The following ADAMTS20 variants were observed in gnomAD, a reference collection of about 807,000 sequenced individuals.
The protein encoded by ADAMTS20 is A disintegrin and metalloproteinase with thrombospondin motifs 20.
In ADAMTS20, 225 loss-of-function variants were observed where a neutral mutation model predicts 260.1. The ratio of observed to expected loss-of-function variants is 0.87; its 90% CI spans 0.78 to 0.97. ADAMTS20 has a LOEUF of 0.97. ADAMTS20 is among the 50% of genes least tolerant of loss of function. The pLI is 0.00. For missense variants in ADAMTS20, 2,400 were observed against 2,337.7 expected (o/e 1.03, Z -0.55); for synonymous variants, 802 against 769.5 (o/e 1.04, Z -0.70).
At chr12:43,453,263 C>T (rs1941902766) in intron 12 of ADAMTS20, among the ~76,000 whole-genome samples, 1 of 152,172 alleles carries the variant, frequency 6.6e-6, no homozygotes, top group African/African-American at 2.4e-5. Context: ...CAGAGTAAGT[C>T]ACATTTCTGC....
At chr12:43,362,082 G>T (rs1323116862) in intron 37 of ADAMTS20, among the ~76,000 whole-genome samples, 1 of 152,124 alleles carries the variant, frequency 6.6e-6, no homozygotes. Flanking sequence ...ATGACCAGAA[G>T]GCACAGCTTA....
intron 9 of ADAMTS20, among the ~76,000 whole-genome samples, chr12:43,465,261 C>G (rs1942134089): frequency 6.6e-6 from 1 of 152,060 alleles, no homozygotes; most frequent in Non-Finnish European, 1.5e-5. Flanking sequence ...GTCAAGATCA[C>G]TGGCTTTGGG....
rs115903323 is a variant in ADAMTS20 at position 43,354,616 on chromosome 12, G to T, written c.5644-318C>A. Among the ~76,000 whole-genome samples the T allele has an allele frequency of 4.5e-3, 692 of 152,160 alleles. 6 individuals carry two copies. The highest frequency in any genetic ancestry group is 0.016 in the African/African-American group (663 of 41,506). Reference sequence around the variant, plus strand: ...ATCCACATATTTTTCATCTAGGTATGTATTTGCTTCAGTGAGTTTATTAAA... The same window carrying T: ...ATCCACATATTTTTCATCTAGGTATTTATTTGCTTCAGTGAGTTTATTAAA... On this transcript the variant is annotated intron_variant, in intron 38 of 38. Transcript: ENST00000389420.
At chr12:43,403,752 A>G (rs1940858912) in intron 28 of ADAMTS20, among the ~76,000 whole-genome samples, 1 of 152,162 alleles carries the variant, frequency 6.6e-6, no homozygotes, top group South Asian at 2.1e-4. Flanking sequence ...AGAATATCAC[A>G]TTGATTAGAT....
intron 18 of ADAMTS20, among the ~76,000 whole-genome samples, chr12:43,436,539 G>T (rs777619386): frequency 6.6e-6 from 1 of 151,664 alleles, no homozygotes; most frequent in Non-Finnish European, 1.5e-5. Flanking sequence ...TATATTTTAC[G>T]TTCTTTTTTC....
At chr12:43,444,003 C>T in intron 15 of ADAMTS20, 120 bp from the exon 16 acceptor site, 2 of 689,896 alleles carry the variant, frequency 2.9e-6, no homozygotes, top group Non-Finnish European at 5.0e-6. Flanking sequence ...TGTGTCTTTA[C>T]AAAATTACAC....
At chr12:43,456,593 C>T (rs1941967911) in intron 11 of ADAMTS20, among the ~76,000 whole-genome samples, 1 of 152,152 alleles carries the variant, frequency 6.6e-6, no homozygotes, top group Non-Finnish European at 1.5e-5. Flanking sequence ...ATTTAAGTTT[C>T]TCAGCAAGGC....
In ADAMTS20 at chr12:43,502,261, C is replaced by G; in HGVS notation, c.758G>C (p.Arg253Pro). 6.2e-7 allele frequency: 1 copy of G among 1,612,116 alleles called. No homozygotes were observed. ...KDERRHSRKK[R>P]LISYPRYIEI... is the part of the protein sequence containing the mutation. The stretch of plus-strand genomic sequence containing the variant: ...AATGTATCTTGGATATGATATAAGA[C>G]GTTTTTTCCTGGAATGTCTTCTTTC... Residue 253 changes from arginine to proline, a missense_variant, in exon 4 of 39, where the codon CGT (arginine) becomes CCT (proline). Coordinates refer to ENST00000389420, the MANE Select transcript of ADAMTS20 (RefSeq NM_025003.5).
At chr12:43,547,256 A>G (rs1190728608) in intron 2 of ADAMTS20, among the ~76,000 whole-genome samples, 2 of 152,350 alleles carry the variant, frequency 1.3e-5, no homozygotes, top group East Asian at 3.9e-4. Context: ...CGCTGCCACC[A>G]GCGAAGGGAA....
At chr12:43,547,849 A>G (rs1305480257) in intron 2 of ADAMTS20, among the ~76,000 whole-genome samples, 1 of 152,218 alleles carries the variant, frequency 6.6e-6, no homozygotes, top group Non-Finnish European at 1.5e-5. Context: ...AACTAGGAGA[A>G]AAAAGGCCAT....
intron 28 of ADAMTS20, among the ~76,000 whole-genome samples, chr12:43,421,055 C>T (rs1391912160): frequency 2.6e-5 from 4 of 151,368 alleles, no homozygotes; most frequent in East Asian, 1.9e-4. Context: ...GTGATCCAGC[C>T]GCCTCAGCCT....
rs1182363445 is a variant in ADAMTS20, at chr12:43,356,472, C to T, written c.5643+12G>A. 9 of 1,577,496 alleles carry T rather than the reference C, an allele frequency of 5.7e-6. No homozygotes were observed. The highest frequency in any genetic ancestry group is 2.3e-5 in the South Asian group (2 of 86,900). ...GTATTTCAAACAGGCTTTTTGGTCC[C>T]GCAGGACTTACCTCTGATCTTCGTA... On this transcript the variant is annotated intron_variant, in intron 38 of 38. Coordinates refer to ENST00000389420, the MANE Select transcript of ADAMTS20 (RefSeq NM_025003.5).
rs1156860046 is a variant in ADAMTS20, at chr12:43,551,984, T to G, written c.-63A>C. The G allele has an allele frequency of 7.2e-7, 1 of 1,393,702 alleles. No homozygotes were observed. Among genetic ancestry groups the G allele is most frequent in the East Asian group, 2.3e-5 (1 of 43,568 alleles). The allele number at this position is 1,393,702 out of a possible 1,614,324, so 86.3% of individuals were successfully genotyped here. A position where few individuals can be genotyped will look rare whatever the true frequency, so the allele number is the denominator to read the frequency against. On this transcript the variant is annotated 5_prime_UTR_variant, in exon 1 of 39. Coordinates refer to ENST00000389420, the MANE Select transcript of ADAMTS20 (RefSeq NM_025003.5). The surrounding 1 kb of genome is among the most constrained non-coding windows in gnomAD (Gnocchi z 4.6). ...AGAGCCGCCGGCAGCCAAGCCGGCT[T>G]CCCTCGCGCTCCGATCCCTCTCCTC...
rs117304546 is a variant in ADAMTS20 at position 43,408,414 on chromosome 12, T to G, written c.4285-9181A>C. On this transcript the variant is annotated intron_variant, in intron 28 of 38. Transcript: ENST00000389420. The stretch of plus-strand genomic sequence containing the variant: ...ATTACTATGGTAACATTTACAAAAT[T>G]CTTAAAATCAAGTGCCAACAAAATA... 3.5e-3 allele frequency among the ~76,000 whole-genome samples: 534 copies of G among 152,342 alleles called. 2 individuals are homozygous for G. Among genetic ancestry groups the G allele is most frequent in the Non-Finnish European group, 5.9e-3 (399 of 68,026 alleles).
At position 43,405,229 on chromosome 12, in the gene ADAMTS20, C is replaced by CAAAAAAA. The variant is rs869040570; in HGVS notation, c.4285-6003_4285-5997dup. On this transcript the variant is annotated intron_variant, in intron 28 of 38. Transcript: ENST00000389420. ...GTAACAAAATGAGACCTCATCTCTA[C>CAAAAAAA]AAAAAAAAAAAAAAAAAAAAAAAAA... Among the ~76,000 whole-genome samples, 76 of 52,762 alleles carry CAAAAAAA rather than the reference C, an allele frequency of 1.4e-3. 2 individuals are homozygous for CAAAAAAA. The highest frequency in any genetic ancestry group is 4.9e-3 in the African/African-American group (56 of 11,318). The allele number at this position is 52,762 out of a possible 152,430, so 34.6% of individuals were successfully genotyped here.
intron 3 of ADAMTS20, among the ~76,000 whole-genome samples, chr12:43,530,922 AC>A (rs1301629587): frequency 6.6e-6 from 1 of 152,014 alleles, no homozygotes; most frequent in Non-Finnish European, 1.5e-5. Context: ...GATTGGTGAA[AC>A]TATAATATTG....
chr12:43,388,743 C>T (rs986099856), intron 29 of ADAMTS20, among the ~76,000 whole-genome samples: 1 of 152,158 alleles, frequency 6.6e-6, no homozygotes, highest in African/African-American at 2.4e-5. Context: ...TAGTGATTGT[C>T]TTAGTCTGTT....
chr12:43,359,345 C>T (rs7316467), intron 37 of ADAMTS20, among the ~76,000 whole-genome samples: 2 of 152,126 alleles, frequency 1.3e-5, no homozygotes, highest in South Asian at 2.1e-4. Flanking sequence ...CGTTTCACTT[C>T]TTGGATTGAC....
rs780381498 is a variant in ADAMTS20, at chr12:43,551,804, G to A, written c.91+27C>T. The A allele has an allele frequency of 6.2e-7, 1 of 1,610,758 alleles. No individual in the cohort carries two copies. The highest frequency in any genetic ancestry group is 1.1e-5 in the South Asian group (1 of 91,038). On this transcript the variant is annotated intron_variant, in intron 1 of 38. Transcript: ENST00000389420. The surrounding 1 kb of genome is among the most constrained non-coding windows in gnomAD (Gnocchi z 4.6). ...TCGGGCCCCGCGCCCCCACTTAGCC[G>A]CTGAAGGCGTCTCGCGGTGACTTTA...
Sources: gnomAD v4.1 joint callset for allele counts (sites outside exome capture counted in the v4.1 genomes callset) on GRCh38, gnomAD v4.1.1 for gene constraint, Gnocchi (gnomAD v3.1) non-coding constraint, MANE v1.5 for transcripts, NCBI Gene and HGNC (gene_info 2026-07-23, HGNC 2026-07-21) for gene names.